The following MYH8 variants were observed in gnomAD, a reference collection of about 807,000 sequenced individuals.
MYH8 encodes myosin-8.
A neutral mutation model predicts 233.2 loss-of-function variants in MYH8; 168 were observed. The observed-to-expected ratio is 0.72, with a 90% CI of 0.64 to 0.82. The LOEUF is 0.82. MYH8 is among the 40% of genes least tolerant of loss of function. The pLI is 0.00. For synonymous variants in MYH8, 785 were observed against 850.6 expected, an observed-to-expected ratio of 0.92 and a Z score of 1.34; for missense variants, 1,995 against 2,327.8, an observed-to-expected ratio of 0.86 and a Z score of 2.94.
At position 10,396,600 on chromosome 17, in the gene MYH8, G is replaced by T. The variant is rs764606216; in HGVS notation, c.4481C>A (p.Ser1494Tyr). The T allele has an allele frequency of 3.1e-6, 5 of 1,614,058 alleles. No homozygotes were observed. In the Admixed American group the frequency reaches 5.0e-5, roughly 16 times the overall value. ...TCTTAGCGTTTCGAGTTGATCCAGG[G>T]ATTCCTCATAGACATTCTTCACCTT... ...LFKVKNVYEE[S>Y]LDQLETLRRE... is the part of the protein sequence containing the mutation. Residue 1494 changes from serine (S) to tyrosine (Y), a missense_variant, in exon 32 of 40, where the codon TCC (serine) becomes TAC (tyrosine). Transcript: ENST00000403437. The surrounding 1 kb of genome is among the most constrained non-coding windows in gnomAD (Gnocchi z 4.2).
At position 10,406,952 on chromosome 17, in the gene MYH8, G is replaced by A. The variant is rs754146272; in HGVS notation, c.1993C>T (p.Leu665=). ...ACGAAGTGAGGGTGTGTGCTCCTCAGATTCGTCATCAATTTATTTAAATTT... is the reference window on the plus strand; with the variant it reads ...ACGAAGTGAGGGTGTGTGCTCCTCAAATTCGTCATCAATTTATTTAAATTT... ...RENLNKLMTN[L]RSTHPHFVRC... is the part of the protein sequence containing the mutation. Residue 665 remains leucine (L), a synonymous_variant, in exon 18 of 40, where the codon CTG becomes TTG. Transcript: ENST00000403437. 6.2e-7 allele frequency: 1 copy of A among 1,613,974 alleles called. No individual in the cohort carries two copies. The highest frequency in any genetic ancestry group is 8.5e-7 in the Non-Finnish European group (1 of 1,179,862).
rs1211728350 is a variant in MYH8 at position 10,394,495 on chromosome 17, G to A, written c.4963-43C>T. 1.9e-6 allele frequency: 3 copies of A among 1,601,822 alleles called. No individual in the cohort carries two copies. The East Asian group carries it at 6.7e-5, about 36-fold the overall frequency. Reference sequence around the variant, plus strand: ...GAAAGGCCTTAAGTGTTCTGAAGAGGATTTGAAGATCCCAGGAGATGAACT... The same window carrying A: ...GAAAGGCCTTAAGTGTTCTGAAGAGAATTTGAAGATCCCAGGAGATGAACT... On this transcript the variant is annotated intron_variant, in intron 34 of 39. Coordinates refer to ENST00000403437, the MANE Select transcript of MYH8 (RefSeq NM_002472.3).
chr17:10,409,649 T>G, intron 15 of MYH8, 61 bp from the exon 16 acceptor site: 1 of 1,598,790 alleles, frequency 6.3e-7, no homozygotes, highest in Non-Finnish European at 8.6e-7. Flanking sequence ...AGAGACATGG[T>G]GGCTGTCATT....
chr17:10,398,375 T>A, intron 30 of MYH8, 69 bp downstream of exon 30: 1 of 1,610,724 alleles, frequency 6.2e-7, no homozygotes, highest in Middle Eastern at 1.7e-4. Context: ...TTGCTATTGT[T>A]ATGTTATCAT....
In MYH8 at chr17:10,409,585, G is replaced by C. The variant is rs769279177; in HGVS notation, c.1591C>G (p.Leu531Val). 1 of 1,614,194 alleles carries C rather than the reference G, an allele frequency of 6.2e-7. No individual in the cohort carries two copies. ...TCTTCCAGGATGGAGAAGATGCCCAGTGGCTGAATTCAGAAAAGTAACATT... is the reference window on the plus strand; with the variant it reads ...TCTTCCAGGATGGAGAAGATGCCCACTGGCTGAATTCAGAAAAGTAACATT... The part of the protein sequence containing the change: ...AACIELIEKP[L>V]GIFSILEEEC... The change falls in exon 16 of 40, where the codon CTG becomes GTG. Residue 531 changes from leucine (L) to valine (V), a missense_variant. Transcript: ENST00000403437.
chr17:10,394,224 C>T, intron 35 of MYH8, 25 bp downstream of exon 35: 1 of 1,613,686 alleles, frequency 6.2e-7, no homozygotes. Flanking sequence ...AGTACACCAG[C>T]ATTTGTTTGA....
intron 15 of MYH8, 24 bp from the exon 16 acceptor site, chr17:10,409,612 G>C: frequency 6.2e-7 from 1 of 1,613,632 alleles, no homozygotes; most frequent in Non-Finnish European, 8.5e-7. Context: ...AGTAACATTG[G>C]TGTCAACCTA....
chr17:10,408,316 TTGAAAACATGTA>T (rs1269100496), intron 17 of MYH8, among the ~76,000 whole-genome samples: 2 of 152,194 alleles, frequency 1.3e-5, no homozygotes, highest in Non-Finnish European at 2.9e-5. Context: ...GTTCCTAATT[TTGAAAACATGTA>T]TGAAAACAAG....
intron 33 of MYH8, among the ~76,000 whole-genome samples, chr17:10,395,929 CT>C (rs1286832670): frequency 6.6e-6 from 1 of 151,986 alleles, no homozygotes; most frequent in African/African-American, 2.4e-5. Context: ...TTTTTCTAGT[CT>C]TTTTTCCTAC....
chr17:10,401,222 A>G (rs780577360), intron 24 of MYH8, 31 bp from the exon 25 acceptor site: 2 of 1,613,198 alleles, frequency 1.2e-6, no homozygotes, highest in South Asian at 1.1e-5. Flanking sequence ...GTAAAAATTG[A>G]AAGTATATAT....
intron 5 of MYH8, among the ~76,000 whole-genome samples, chr17:10,416,126 T>A (rs1323032148): frequency 6.6e-6 from 1 of 152,084 alleles, no homozygotes. Flanking sequence ...CTCCTCCCAT[T>A]CCCTGGCGCC....
rs370546992 is a variant in MYH8 at position 10,414,521 on chromosome 17, A to G, written c.806-37T>C. 2.9e-6 allele frequency: 4 copies of G among 1,376,602 alleles called. No homozygotes were observed. In the African/African-American group the frequency reaches 5.7e-5, roughly 20 times the overall value. 85.3% of individuals were successfully genotyped at this position (1,376,602 alleles called of 1,614,324 possible). On this transcript the variant is annotated intron_variant, in intron 9 of 39. Transcript: ENST00000403437. ...AATAGATATCGAGTTTGAAAAAAGT[A>G]TCAATGCTTCTGAGATAGTAAATGA...
rs1175404788 is a variant in MYH8, at chr17:10,394,428, C to T, written c.4987G>A (p.Ala1663Thr). Residue 1663 changes from alanine to threonine, a missense_variant, in exon 35 of 40, where the codon GCT becomes ACT. Around this residue, in one of 3 missense-constraint regions of MYH8, gnomAD observed 1,498 missense variants for 1,680.9 expected, o/e 0.89. Coordinates refer to ENST00000403437, the MANE Select transcript of MYH8 (RefSeq NM_002472.3). ...LKETQLHLDD[A>T]LRGQEDLKEQ... ...TTGAGGTCCTCCTGGCCCCGGAGAG[C>T]ATCATCCAGGTGGAGCTGGGTTTCC... The T allele has an allele frequency of 8.1e-6, 13 of 1,614,038 alleles. No homozygotes were observed. Among genetic ancestry groups the T allele is most frequent in the Non-Finnish European group, 9.3e-6 (11 of 1,180,020 alleles).
At chr17:10,416,400 T>C (rs150648850) in intron 5 of MYH8, among the ~76,000 whole-genome samples, 1 of 152,352 alleles carries the variant, frequency 6.6e-6, no homozygotes, top group Non-Finnish European at 1.5e-5. Flanking sequence ...TTGTAAATAA[T>C]GCTGCTATTA....
chr17:10,390,754 A>C, intron 39 of MYH8, 151 bp from the exon 40 acceptor site: 1 of 921,686 alleles, frequency 1.1e-6, no homozygotes, highest in Non-Finnish European at 1.7e-6. Flanking sequence ...TATAACTTCA[A>C]CTACAATTTT....
At chr17:10,416,501 C>G (rs533208173) in intron 5 of MYH8, among the ~76,000 whole-genome samples, 4 of 152,216 alleles carry the variant, frequency 2.6e-5, no homozygotes, top group Non-Finnish European at 4.4e-5. Flanking sequence ...TACTGTAATT[C>G]TATTTCTAAT....
At position 10,395,435 on chromosome 17, in the gene MYH8, G is replaced by C; in HGVS notation, c.4660C>G (p.Leu1554Val). 6.2e-7 allele frequency: 1 copy of C among 1,613,960 alleles called. No homozygotes were observed. Among genetic ancestry groups the C allele is most frequent in the African/African-American group, 1.3e-5 (1 of 75,022 alleles). The change falls in exon 34 of 40, where the codon CTT becomes GTT. Residue 1554 changes from leucine (L) to valine (V), a missense_variant. Around this residue, in one of 3 missense-constraint regions of MYH8, gnomAD observed 1,498 missense variants for 1,680.9 expected, o/e 0.89. Coordinates refer to ENST00000403437, the MANE Select transcript of MYH8 (RefSeq NM_002472.3). ...QAALEEAEAS[L>V]EHEEGKILRI... The stretch of plus-strand genomic sequence containing the variant: ...AGAATCTTTCCTTCTTCATGTTCAA[G>C]AGATGCCTTAACAAAACAGTGATCA...
chr17:10,394,354 C>T lies in MYH8; in HGVS notation c.5061G>A (p.Glu1687=), dbSNP rs535744613. Residue 1687 remains glutamate, a synonymous_variant, in exon 35 of 40, where the codon GAG becomes GAA. Transcript: ENST00000403437. ...CCAGAGTGGCCCACAGCTCCTCGATCTCAGCCTGCAGCAGGTTGGCTCTGC... is the reference window on the plus strand; with the variant it reads ...CCAGAGTGGCCCACAGCTCCTCGATTTCAGCCTGCAGCAGGTTGGCTCTGC... The part of the protein sequence containing the change: ...VERRANLLQA[E]IEELWATLEQ... 1 of 1,614,112 alleles carries T rather than the reference C, an allele frequency of 6.2e-7. No homozygotes were observed. Among genetic ancestry groups the T allele is most frequent in the South Asian group, 1.1e-5 (1 of 91,082 alleles).
intron 39 of MYH8, 89 bp downstream of exon 39, chr17:10,391,793 T>C (rs2072026474): frequency 3.0e-6 from 3 of 995,396 alleles, no homozygotes; most frequent in Non-Finnish European, 4.9e-6. Flanking sequence ...ATTTTCACTT[T>C]GTCTTCTTCC....
Sources: gnomAD v4.1 joint callset for allele counts (sites outside exome capture counted in the v4.1 genomes callset) on GRCh38, gnomAD v4.1.1 for gene constraint, gnomAD v4.1.1 regional missense constraint, Gnocchi (gnomAD v3.1) non-coding constraint, MANE v1.5 for transcripts, NCBI Gene and HGNC (gene_info 2026-07-23, HGNC 2026-07-21) for gene names.